Variants in AUTS2 observed in about 807,000 individuals in gnomAD.
The protein encoded by AUTS2 is activator of transcription and developmental regulator AUTS2.
A neutral mutation model predicts 112.4 loss-of-function variants in AUTS2; 17 were observed. The observed-to-expected ratio is 0.15, with a 90% CI of 0.10 to 0.23. The LOEUF (loss-of-function observed/expected upper bound fraction) is 0.23. Among genes scored for constraint, AUTS2 ranks in the 10% least tolerant of loss-of-function variants. The pLI is 1.00. For missense variants in AUTS2, 1,510 were observed against 1,701.6 expected (o/e 0.89, Z 1.98); for synonymous variants, 751 against 702.7 (o/e 1.07, Z -1.09).
At chr7:70,001,563 A>G (rs561232870) in intron 2 of AUTS2, among the ~76,000 whole-genome samples, 1 of 152,156 alleles carries the variant, frequency 6.6e-6, no homozygotes, top group South Asian at 2.1e-4. Flanking sequence ...GTAAAGGAAA[A>G]TGACCCTCTA....
intron 5 of AUTS2, among the ~76,000 whole-genome samples, chr7:70,616,743 G>A (rs938823098): frequency 8.2e-5 from 12 of 146,424 alleles, no homozygotes; most frequent in Admixed American, 2.1e-4. Flanking sequence ...TCAAAATAGA[G>A]TGTCGAATAG....
intron 1 of AUTS2, among the ~76,000 whole-genome samples, chr7:69,738,319 A>G (rs1787122911): frequency 6.6e-6 from 1 of 151,672 alleles, no homozygotes; most frequent in African/African-American, 2.4e-5. Context: ...CTTAATTTTT[A>G]TTAAGCACTG....
At chr7:69,702,883 C>G (rs1797881006) in intron 1 of AUTS2, among the ~76,000 whole-genome samples, 1 of 152,186 alleles carries the variant, frequency 6.6e-6, no homozygotes. Flanking sequence ...GTGCCATTCA[C>G]CAAACATTTA....
Position 70,185,539 on chromosome 7 carries a change from G to C in AUTS2, c.660+50968G>C, listed in dbSNP as rs1398416718. The stretch of plus-strand genomic sequence containing the variant: ...AGGACATGCATCATATTCATCTAAA[G>C]GTTGAATACATTTATTTAATTGTGG... On this transcript the variant is annotated intron_variant, in intron 4 of 18. Coordinates refer to ENST00000342771, the MANE Select transcript of AUTS2 (RefSeq NM_015570.4). Among the ~76,000 whole-genome samples the C allele has an allele frequency of 3.3e-5, 5 of 152,192 alleles. No individual in the cohort carries two copies. The East Asian group carries it at 9.7e-4, about 29-fold the overall frequency.
intron 1 of AUTS2, among the ~76,000 whole-genome samples, chr7:69,618,746 C>A (rs1440028049): frequency 6.6e-6 from 1 of 152,098 alleles, no homozygotes; most frequent in African/African-American, 2.4e-5. Flanking sequence ...ATAGCCAACA[C>A]CCATGTACCC....
chr7:69,727,542 A>G (rs776841549), intron 1 of AUTS2, among the ~76,000 whole-genome samples: 1 of 152,170 alleles, frequency 6.6e-6, no homozygotes, highest in Non-Finnish European at 1.5e-5. Context: ...GTGAGCTGAG[A>G]TCGCGCCACT....
At chr7:69,780,991 T>A (rs1390235507) in intron 1 of AUTS2, among the ~76,000 whole-genome samples, 2 of 152,252 alleles carry the variant, frequency 1.3e-5, no homozygotes, top group Non-Finnish European at 2.9e-5. Context: ...AAGGTCTGAC[T>A]GTTTTAACCT....
At chr7:69,834,692 C>T (rs1462850283) in intron 1 of AUTS2, among the ~76,000 whole-genome samples, 8 of 152,124 alleles carry the variant, frequency 5.3e-5, no homozygotes, top group Non-Finnish European at 2.9e-5. Context: ...TTGATGCAGA[C>T]GTCAAATAAG....
chr7:70,235,489 A>G (rs1812276040), intron 4 of AUTS2, among the ~76,000 whole-genome samples: 1 of 152,030 alleles, frequency 6.6e-6, no homozygotes, highest in Non-Finnish European at 1.5e-5. Context: ...ACCAGCCGGG[A>G]GGGGCTTATA....
chr7:70,588,478 G>A (rs1447995470), intron 5 of AUTS2, among the ~76,000 whole-genome samples: 3 of 152,176 alleles, frequency 2.0e-5, no homozygotes, highest in Non-Finnish European at 4.4e-5. Flanking sequence ...AGTCCAGTTA[G>A]GGAAAAGAAA....
chr7:70,493,469 T>C (rs1165851532), intron 5 of AUTS2, among the ~76,000 whole-genome samples: 7 of 152,172 alleles, frequency 4.6e-5, no homozygotes, highest in Non-Finnish European at 1.0e-4. Context: ...GCCTTCTTAA[T>C]TACTACTCTG....
At position 69,876,251 on chromosome 7, in the gene AUTS2, G is replaced by A. The variant is rs191229354; in HGVS notation, c.310-23035G>A. On this transcript the variant is annotated intron_variant, in intron 1 of 18. Coordinates refer to ENST00000342771, the MANE Select transcript of AUTS2 (RefSeq NM_015570.4). ...GTGTGGTGGCGTGCGCCTGTACCTC[G>A]GGAGGCAGAGGTTGCAGTGAGCTGA... 5.0e-5 allele frequency among the ~76,000 whole-genome samples: 7 copies of A among 139,152 alleles called. No individual in the cohort carries two copies. The East Asian group carries it at 1.1e-3, about 22-fold the overall frequency. The allele number at this position is 139,152 out of a possible 152,430, so 91.3% of individuals were successfully genotyped here.
chr7:70,376,358 C>T (rs73173581), intron 4 of AUTS2, among the ~76,000 whole-genome samples: 9,230 of 152,136 alleles, frequency 0.061, 330 homozygotes, highest in African/African-American at 0.091. Flanking sequence ...AGGTCTCTGA[C>T]ATATATTCTT....
rs78372850 is a variant in AUTS2 at position 69,886,471 on chromosome 7, C to T, written c.310-12815C>T. 6.2e-3 allele frequency among the ~76,000 whole-genome samples: 938 copies of T among 152,234 alleles called. 7 individuals carry two copies. The highest frequency in any genetic ancestry group is 0.021 in the African/African-American group (873 of 41,522). ...CTTCCTGATATGCTGTGTAAAACTGCGTTTATATTCAGAGCCACATAACAC... is the reference window on the plus strand; with the variant it reads ...CTTCCTGATATGCTGTGTAAAACTGTGTTTATATTCAGAGCCACATAACAC... On this transcript the variant is annotated intron_variant, in intron 1 of 18. Transcript: ENST00000342771.
At chr7:70,362,667 CTT>C (rs1792326139) in intron 4 of AUTS2, among the ~76,000 whole-genome samples, 1 of 152,114 alleles carries the variant, frequency 6.6e-6, no homozygotes, top group Non-Finnish European at 1.5e-5. Context: ...TCCTCCCTCC[CTT>C]TCTCTCTCCT....
intron 4 of AUTS2, among the ~76,000 whole-genome samples, chr7:70,376,994 G>A (rs1427534628): frequency 4.0e-5 from 6 of 151,656 alleles, no homozygotes; most frequent in Non-Finnish European, 5.9e-5. Flanking sequence ...TAATGTCCAC[G>A]AACTGGATAA....
chr7:70,619,414 G>A (rs764584296), intron 5 of AUTS2, among the ~76,000 whole-genome samples: 5 of 152,174 alleles, frequency 3.3e-5, no homozygotes, highest in East Asian at 1.9e-4. Context: ...TGGGGAGTGC[G>A]TGCGGCCTGC....
chr7:70,695,281 C>T (rs942657424), intron 5 of AUTS2, among the ~76,000 whole-genome samples: 2 of 152,182 alleles, frequency 1.3e-5, no homozygotes, highest in African/African-American at 4.8e-5. Flanking sequence ...CGGCCGGGCT[C>T]GGCCGGAGCT....
intron 1 of AUTS2, among the ~76,000 whole-genome samples, chr7:69,631,858 A>G (rs1794259168): frequency 1.3e-5 from 2 of 152,244 alleles, no homozygotes; most frequent in South Asian, 2.1e-4. Flanking sequence ...CCTTGTATGT[A>G]TAATGTTCTT....
Sources: gnomAD v4.1 joint callset for allele counts (sites outside exome capture counted in the v4.1 genomes callset) on GRCh38, gnomAD v4.1.1 for gene constraint, MANE v1.5 for transcripts, NCBI Gene and HGNC (gene_info 2026-07-23, HGNC 2026-07-21) for gene names.